The following FAM210A variants were observed in gnomAD, a reference collection of about 807,000 sequenced individuals.
FAM210A encodes the protein mitochondrial inner membrane scaffold 1.
In FAM210A, 13 loss-of-function variants were observed where a neutral mutation model predicts 25.3. The observed-to-expected ratio is 0.51, with a 90% confidence interval of 0.33 to 0.82. The LOEUF is 0.82. Among genes scored for constraint, FAM210A ranks in the 40% least tolerant of loss-of-function variants. The pLI, the probability that FAM210A is intolerant of heterozygous loss-of-function variation, is 0.02. For missense variants in FAM210A, 319 were observed against 323.2 expected, an observed-to-expected ratio of 0.99 and a Z score of 0.10; for synonymous variants, 125 against 118.7, an observed-to-expected ratio of 1.05 and a Z score of -0.35.
At chr18:13,699,912 C>G (rs1006832139) in intron 1 of FAM210A, among the ~76,000 whole-genome samples, 19 of 152,086 alleles carry the variant, frequency 1.2e-4, no homozygotes, top group Non-Finnish European at 7.4e-5. Flanking sequence ...TTTGGGTGAC[C>G]ATGCAAAATC....
At chr18:13,686,649 C>A (rs2149058916) in intron 1 of FAM210A, among the ~76,000 whole-genome samples, 1 of 152,260 alleles carries the variant, frequency 6.6e-6, no homozygotes, top group Admixed American at 6.5e-5. Context: ...TTGACACCCA[C>A]AAATTATCAA....
At position 13,690,265 on chromosome 18, in the gene FAM210A, C is replaced by T. The variant is rs184185607; in HGVS notation, c.-28-8160G>A. On this transcript the variant is annotated intron_variant, in intron 1 of 3. Transcript: ENST00000651643. ...AAAGAAAGCAGCAGGGAAGCTCGAA[C>T]TGGGTGGAGTCCATTGCAGCTCAAG... Among the ~76,000 whole-genome samples, 865 of 152,376 alleles carry T rather than the reference C, an allele frequency of 5.7e-3. 3 individuals carry two copies. The highest frequency in any genetic ancestry group is 9.7e-3 in the Admixed American group (148 of 15,310).
chr18:13,687,331 A>G (rs1472116975), intron 1 of FAM210A, among the ~76,000 whole-genome samples: 1 of 152,098 alleles, frequency 6.6e-6, no homozygotes, highest in African/African-American at 2.4e-5. Flanking sequence ...AGCAATTATC[A>G]CACTACCTTT....
chr18:13,718,953 A>G (rs2043880054), intron 1 of FAM210A, among the ~76,000 whole-genome samples: 1 of 152,214 alleles, frequency 6.6e-6, no homozygotes. Flanking sequence ...ACCAGAAGCC[A>G]TTGTTGCAAT....
chr18:13,700,919 C>T (rs145392879), intron 1 of FAM210A, among the ~76,000 whole-genome samples: 8 of 152,316 alleles, frequency 5.3e-5, no homozygotes, highest in Non-Finnish European at 8.8e-5. Flanking sequence ...TGTTTCTATA[C>T]GTTGCTTCTG....
chr18:13,686,366 T>G (rs1490849227), intron 1 of FAM210A, among the ~76,000 whole-genome samples: 3 of 152,186 alleles, frequency 2.0e-5, no homozygotes, highest in Non-Finnish European at 4.4e-5. Flanking sequence ...TGAATTAACC[T>G]AATAATGCTA....
intron 1 of FAM210A, chr18:13,687,716 A>C (rs374663731): frequency 6.6e-6 from 1 of 152,242 alleles, no homozygotes; most frequent in South Asian, 2.1e-4. Flanking sequence ...ATAAAGTCCT[A>C]GGATCATGGT....
At chr18:13,705,339 G>A (rs2043769898) in intron 1 of FAM210A, among the ~76,000 whole-genome samples, 1 of 152,146 alleles carries the variant, frequency 6.6e-6, no homozygotes, top group South Asian at 2.1e-4. Flanking sequence ...TGGAGAACCA[G>A]GATAGCCACC....
chr18:13,684,861 C>T (rs1568480604), intron 1 of FAM210A, among the ~76,000 whole-genome samples: 1 of 152,044 alleles, frequency 6.6e-6, no homozygotes, highest in East Asian at 1.9e-4. Context: ...AAGTTATGTT[C>T]TCAAACTAAA....
intron 1 of FAM210A, among the ~76,000 whole-genome samples, chr18:13,716,107 G>C (rs2043859957): frequency 6.6e-6 from 1 of 152,140 alleles, no homozygotes; most frequent in African/African-American, 2.4e-5. Context: ...CAATACAATA[G>C]TAACAAGTGG....
chr18:13,681,252 T>G (rs185450899), intron 2 of FAM210A, among the ~76,000 whole-genome samples: 1 of 152,224 alleles, frequency 6.6e-6, no homozygotes, highest in African/African-American at 2.4e-5. Context: ...TAATTGGGTT[T>G]TTAGTCCAGG....
At chr18:13,687,137 G>A (rs1787877) in intron 1 of FAM210A, among the ~76,000 whole-genome samples, 135,626 of 152,272 alleles carry the variant, frequency 0.89, 60,507 homozygotes, top group East Asian at 0.95. Context: ...TTAAGAATCA[G>A]CTGGGAATAA....
chr18:13,680,849 T>G (rs1037504314), intron 2 of FAM210A, among the ~76,000 whole-genome samples: 1 of 152,128 alleles, frequency 6.6e-6, no homozygotes, highest in Non-Finnish European at 1.5e-5. Flanking sequence ...CCTAAAGCAG[T>G]GTGAAGCAAA....
chr18:13,723,318 T>G (rs2043911583), intron 1 of FAM210A, among the ~76,000 whole-genome samples: 2 of 152,122 alleles, frequency 1.3e-5, no homozygotes, highest in Non-Finnish European at 2.9e-5. Context: ...GCACCCAAAT[T>G]TGAATCAGTC....
rs150973539 is a variant in FAM210A, at chr18:13,665,718, A to C, written c.*762T>G. 25 of 152,196 alleles carry C rather than the reference A, an allele frequency of 1.6e-4. No homozygotes were observed. In the East Asian group the frequency reaches 4.6e-3, roughly 28 times the overall value. The allele number at this position is 152,196 out of a possible 1,614,324, so 9.4% of individuals were successfully genotyped here. A position where few individuals can be genotyped will look rare whatever the true frequency, so the allele number is the denominator to read the frequency against. On this transcript the variant is annotated 3_prime_UTR_variant, in exon 4 of 4. Transcript: ENST00000651643. ...TAATGATTTTTTACCTTTCCTCTGAAAGACAGTTGAAAAGGACACAAATGA... is the reference window on the plus strand; with the variant it reads ...TAATGATTTTTTACCTTTCCTCTGACAGACAGTTGAAAAGGACACAAATGA...
intron 2 of FAM210A, among the ~76,000 whole-genome samples, chr18:13,673,410 T>C (rs1244761404): frequency 6.6e-6 from 1 of 151,314 alleles, no homozygotes; most frequent in African/African-American, 2.4e-5. Flanking sequence ...TTATTAACAT[T>C]CCTGAGCCCC....
At chr18:13,677,720 T>C (rs2043517146) in intron 2 of FAM210A, among the ~76,000 whole-genome samples, 1 of 152,176 alleles carries the variant, frequency 6.6e-6, no homozygotes, top group South Asian at 2.1e-4. Flanking sequence ...CTTATTAGTA[T>C]TACTGAGTTT....
Position 13,665,381 on chromosome 18 carries a change from C to CAAAAAA in FAM210A, c.*1093_*1098dup, listed in dbSNP as rs56656145. 3 of 63,702 alleles carry CAAAAAA rather than the reference C, an allele frequency of 4.7e-5. No homozygotes were observed. Among genetic ancestry groups the CAAAAAA allele is most frequent in the Non-Finnish European group, 6.4e-5 (2 of 31,302 alleles). 3.9% of individuals were successfully genotyped at this position (63,702 alleles called of 1,614,324 possible). A position where few individuals can be genotyped will look rare whatever the true frequency, so the allele number is the denominator to read the frequency against. On this transcript the variant is annotated 3_prime_UTR_variant, in exon 4 of 4. Transcript: ENST00000651643. ...GGAGAGAGAGAGGGAGGCTCCGTCT[C>CAAAAAA]AAAAAAAAAAAAAAAAAAAAAAAAA...
chr18:13,693,739 G>C (rs1468852576), intron 1 of FAM210A, among the ~76,000 whole-genome samples: 2 of 151,332 alleles, frequency 1.3e-5, no homozygotes, highest in Non-Finnish European at 2.9e-5. Context: ...TTGATGGGCT[G>C]TATCTCAAAA....
Sources: gnomAD v4.1 joint callset for allele counts (sites outside exome capture counted in the v4.1 genomes callset) on GRCh38, gnomAD v4.1.1 for gene constraint, MANE v1.5 for transcripts, NCBI Gene and HGNC (gene_info 2026-07-23, HGNC 2026-07-21) for gene names.